The following NTRK2 variants were observed in gnomAD, a reference collection of about 807,000 sequenced individuals.
NTRK2 encodes the protein neurotrophic receptor tyrosine kinase 2, also known as BDNF/NT-3 growth factors receptor.
A neutral mutation model predicts 94.5 loss-of-function variants in NTRK2; 13 were observed. The ratio of observed to expected loss-of-function variants is 0.14; its 90% CI spans 0.09 to 0.22. The LOEUF (loss-of-function observed/expected upper bound fraction) is 0.22. Among genes scored for constraint, NTRK2 ranks in the 10% least tolerant of loss-of-function variants. The pLI is 1.00. For synonymous variants in NTRK2, 372 were observed against 407.4 expected (o/e 0.91, Z 1.05); for missense variants, 639 against 1,071.2 (o/e 0.60, Z 5.63).
chr9:84,781,138 G>T (rs1049375096), intron 12 of NTRK2, among the ~76,000 whole-genome samples: 9 of 152,112 alleles, frequency 5.9e-5, no homozygotes, highest in African/African-American at 1.9e-4. Context: ...AGCCTTGTTT[G>T]TATGTTCCGG....
chr9:84,683,268 C>T (rs2059502332), intron 2 of NTRK2, among the ~76,000 whole-genome samples: 1 of 152,050 alleles, frequency 6.6e-6, no homozygotes, highest in African/African-American at 2.4e-5. Flanking sequence ...TGGTTTGCTG[C>T]ACCTATCAAC....
chr9:84,852,585 C>T (rs1264455642), intron 12 of NTRK2, among the ~76,000 whole-genome samples: 2 of 152,110 alleles, frequency 1.3e-5, no homozygotes, highest in African/African-American at 4.8e-5. Context: ...CCATTTTTCA[C>T]CTACCCAGTG....
At chr9:84,682,118 G>T (rs566178954) in intron 2 of NTRK2, among the ~76,000 whole-genome samples, 1 of 152,220 alleles carries the variant, frequency 6.6e-6, no homozygotes, top group African/African-American at 2.4e-5. Context: ...AAGTACTTTG[G>T]CCCAGACTTG....
At chr9:84,727,234 G>C (rs948262287) in intron 8 of NTRK2, among the ~76,000 whole-genome samples, 1 of 152,188 alleles carries the variant, frequency 6.6e-6, no homozygotes, top group African/African-American at 2.4e-5. Context: ...TAGGAAAGAA[G>C]TGCTATCAAA....
intron 12 of NTRK2, among the ~76,000 whole-genome samples, chr9:84,800,100 C>G (rs1280585733): frequency 6.6e-6 from 1 of 152,170 alleles, no homozygotes; most frequent in Admixed American, 6.5e-5. Flanking sequence ...CAGAAGCAAG[C>G]CTGGATAGAG....
chr9:84,984,374 A>G (rs998668085), intron 17 of NTRK2, among the ~76,000 whole-genome samples: 1 of 152,164 alleles, frequency 6.6e-6, no homozygotes, highest in Non-Finnish European at 1.5e-5. Flanking sequence ...TTGGTGGCTG[A>G]GGCATGAGAA....
At chr9:85,011,034 G>C (rs1057006616) in intron 17 of NTRK2, among the ~76,000 whole-genome samples, 2 of 152,098 alleles carry the variant, frequency 1.3e-5, no homozygotes, top group African/African-American at 4.8e-5. Context: ...TTCTCCCTTA[G>C]CCAACTCCCA....
At chr9:84,880,662 T>C (rs2076228022) in intron 14 of NTRK2, among the ~76,000 whole-genome samples, 5 of 152,224 alleles carry the variant, frequency 3.3e-5, no homozygotes, top group Admixed American at 3.3e-4. Context: ...GAGCTGATAT[T>C]CTTGAGCACT....
At chr9:84,740,358 T>C (rs1353069968) in intron 9 of NTRK2, among the ~76,000 whole-genome samples, 2 of 152,256 alleles carry the variant, frequency 1.3e-5, no homozygotes, top group Non-Finnish European at 2.9e-5. Flanking sequence ...TGACAAGACA[T>C]ATTCACATAT....
chr9:84,811,909 A>ACGCCCC, intron 12 of NTRK2: 2 of 629,976 alleles, frequency 3.2e-6, no homozygotes, highest in Non-Finnish European at 4.0e-6. Context: ...GGCTATCCCC[A>ACGCCCC]CCCCACCCCA....
intron 12 of NTRK2, among the ~76,000 whole-genome samples, chr9:84,789,245 A>C (rs1438652686): frequency 6.6e-6 from 1 of 152,162 alleles, no homozygotes; most frequent in Non-Finnish European, 1.5e-5. Context: ...TGGCTGGAAG[A>C]GATGATAACA....
chr9:84,932,506 C>G (rs2078072476), intron 14 of NTRK2, among the ~76,000 whole-genome samples: 1 of 152,114 alleles, frequency 6.6e-6, no homozygotes, highest in Admixed American at 6.6e-5. Flanking sequence ...TTATTATTTA[C>G]TGCAGTTTAA....
chr9:85,024,819 A>G lies in NTRK2; in HGVS notation c.*3382A>G, dbSNP rs1200420483. ...TCATAATCAGGCTTATTTAGAAAAC[A>G]CTTTGAACTATGCTATAAAAGATTA... On this transcript the variant is annotated 3_prime_UTR_variant, in exon 19 of 19. Transcript: ENST00000277120. The G allele has an allele frequency of 1.3e-5, 3 of 232,936 alleles. No individual in the cohort carries two copies. The highest frequency in any genetic ancestry group is 5.6e-5 in the Admixed American group (1 of 17,780). 14.4% of individuals were successfully genotyped at this position (232,936 alleles called of 1,614,324 possible).
At chr9:84,800,866 T>G (rs1236830017) in intron 12 of NTRK2, among the ~76,000 whole-genome samples, 1 of 152,186 alleles carries the variant, frequency 6.6e-6, no homozygotes, top group Non-Finnish European at 1.5e-5. Flanking sequence ...GGCCACCCTT[T>G]TCCAGGAGGA....
chr9:84,946,339 G>C (rs922000359), intron 15 of NTRK2, among the ~76,000 whole-genome samples: 2 of 152,138 alleles, frequency 1.3e-5, no homozygotes, highest in Non-Finnish European at 2.9e-5. Flanking sequence ...TTTAGTTCTC[G>C]TGGCCTTCAT....
chr9:84,841,085 A>G lies in NTRK2; in HGVS notation c.1397-19955A>G, dbSNP rs374619537. 4.6e-5 allele frequency among the ~76,000 whole-genome samples: 7 copies of G among 152,168 alleles called. No individual in the cohort carries two copies. The South Asian group carries it at 1.2e-3, about 27-fold the overall frequency. ...CTCCTCTCCAGCTGCTCTCCCTCATATGGGGATTTTATCCAGTCTCATGGG... is the reference window on the plus strand; with the variant it reads ...CTCCTCTCCAGCTGCTCTCCCTCATGTGGGGATTTTATCCAGTCTCATGGG... On this transcript the variant is annotated intron_variant, in intron 12 of 18. Coordinates refer to ENST00000277120, the MANE Select transcript of NTRK2 (RefSeq NM_006180.6).
At chr9:84,872,194 A>G in intron 14 of NTRK2, 1 of 1,152,192 alleles carries the variant, frequency 8.7e-7, no homozygotes, top group East Asian at 3.7e-5. Flanking sequence ...TTTCCCAGTA[A>G]AATTTACAAA....
rs190710371 is a variant in NTRK2 at position 84,986,524 on chromosome 9, T to C, written c.2172+31007T>C. 2.3e-3 allele frequency among the ~76,000 whole-genome samples: 344 copies of C among 152,320 alleles called. 1 individual carries two copies. Among genetic ancestry groups the C allele is most frequent in the Non-Finnish European group, 3.9e-3 (266 of 68,018 alleles). ...CTTGCCTGTCACTCACCTCCTGCTG[T>C]GTGGCCCAGTTCCTAACAGGACAGG... is the stretch of plus-strand genomic sequence containing the variant. On this transcript the variant is annotated intron_variant, in intron 17 of 18. Coordinates refer to ENST00000277120, the MANE Select transcript of NTRK2 (RefSeq NM_006180.6).
intron 12 of NTRK2, among the ~76,000 whole-genome samples, chr9:84,808,915 A>C (rs1371152897): frequency 6.6e-6 from 1 of 152,182 alleles, no homozygotes; most frequent in Non-Finnish European, 1.5e-5. Context: ...CACCAGGTGG[A>C]GGAAGATGGA....
Sources: gnomAD v4.1 joint callset for allele counts (sites outside exome capture counted in the v4.1 genomes callset) on GRCh38, gnomAD v4.1.1 for gene constraint, MANE v1.5 for transcripts, NCBI Gene and HGNC (gene_info 2026-07-23, HGNC 2026-07-21) for gene names.